Variants in WDFY3 observed in about 807,000 individuals in gnomAD.
WDFY3 encodes WD repeat and FYVE domain containing 3.
Under a neutral mutation model 409.6 loss-of-function variants are expected in WDFY3, and 66 were observed. The observed-to-expected ratio is 0.16, with a 90% confidence interval of 0.13 to 0.20. The LOEUF (loss-of-function observed/expected upper bound fraction) is 0.20, where lower values mean the gene tolerates loss of function less well. Among genes scored for constraint, WDFY3 ranks in the 10% least tolerant of loss-of-function variants. The probability of loss-of-function intolerance (pLI) is 1.00; values close to 1 mark genes in which losing one functional copy is unlikely to be tolerated. For missense variants in WDFY3, 3,031 were observed against 4,298.1 expected (o/e 0.71, Z 8.24); for synonymous variants, 1,521 against 1,537.1 (o/e 0.99, Z 0.25).
chr4:84,782,946 A>G lies in WDFY3; in HGVS notation c.4174+17T>C, dbSNP rs745535101. ...GCAAATAAAGAAGTTTGAAACAACA[A>G]AGATAAGTCCACTCACCCAAGTATC... On this transcript the variant is annotated intron_variant, in intron 25 of 67. Coordinates refer to ENST00000295888, the MANE Select transcript of WDFY3 (RefSeq NM_014991.6). 29 of 1,606,204 alleles carry G rather than the reference A, an allele frequency of 1.8e-5. No homozygotes were observed. The highest frequency in any genetic ancestry group is 2.5e-5 in the Non-Finnish European group (29 of 1,177,548).
At chr4:84,816,265 T>G (rs1412158788) in intron 13 of WDFY3, among the ~76,000 whole-genome samples, 1 of 152,132 alleles carries the variant, frequency 6.6e-6, no homozygotes, top group African/African-American at 2.4e-5. Context: ...AAGAGCAGGT[T>G]TTTAGTCACA....
intron 25 of WDFY3, among the ~76,000 whole-genome samples, chr4:84,782,100 C>T (rs185800555): frequency 2.6e-5 from 4 of 152,200 alleles, no homozygotes; most frequent in East Asian, 3.9e-4. Context: ...ACAAAAATAA[C>T]GTTTTAAGCA....
intron 1 of WDFY3, among the ~76,000 whole-genome samples, chr4:84,934,281 A>G (rs1274030042): frequency 6.6e-6 from 1 of 152,136 alleles, no homozygotes; most frequent in Non-Finnish European, 1.5e-5. Flanking sequence ...AATGACACTG[A>G]GCACCTTTTA....
intron 4 of WDFY3, among the ~76,000 whole-genome samples, chr4:84,859,050 C>A (rs943231541): frequency 6.6e-6 from 1 of 150,950 alleles, no homozygotes; most frequent in South Asian, 2.1e-4. Context: ...ACAGACAGGG[C>A]AAGGCAGAGA....
chr4:84,895,645 A>G (rs1342174561), intron 3 of WDFY3, among the ~76,000 whole-genome samples: 1 of 152,224 alleles, frequency 6.6e-6, no homozygotes, highest in East Asian at 1.9e-4. Context: ...ATATATGTAG[A>G]GAAAATATTT....
intron 57 of WDFY3, 70 bp from the exon 58 acceptor site, chr4:84,696,252 G>T: frequency 6.9e-7 from 1 of 1,441,046 alleles, no homozygotes; most frequent in South Asian, 1.2e-5. Flanking sequence ...GAAAAACCTT[G>T]GTAAGTGGTT....
At chr4:84,752,477 A>C (rs914395539) in intron 35 of WDFY3, among the ~76,000 whole-genome samples, 5 of 151,774 alleles carry the variant, frequency 3.3e-5, no homozygotes, top group Admixed American at 2.6e-4. Flanking sequence ...CAGTGAGCCG[A>C]GATCGTGCCA....
chr4:84,901,033 T>C (rs1372424585), intron 2 of WDFY3, among the ~76,000 whole-genome samples: 2 of 152,200 alleles, frequency 1.3e-5, no homozygotes, highest in Non-Finnish European at 2.9e-5. Context: ...GCTTCCAAGA[T>C]GATGCCTTGT....
Position 84,896,084 on chromosome 4 carries a change from C to G in WDFY3, c.-32+827G>C, listed in dbSNP as rs557715568. The stretch of plus-strand genomic sequence containing the variant: ...CATCCTGGCCAACATGGTGAAACCC[C>G]GTCTCTACTAAAAATACAAAAATTA... On this transcript the variant is annotated intron_variant, in intron 3 of 67. Coordinates refer to ENST00000295888, the MANE Select transcript of WDFY3 (RefSeq NM_014991.6). 1.6e-4 allele frequency among the ~76,000 whole-genome samples: 25 copies of G among 151,770 alleles called. 1 individual carries two copies. The South Asian group carries it at 3.1e-3, about 19-fold the overall frequency.
intron 5 of WDFY3, among the ~76,000 whole-genome samples, chr4:84,849,485 A>G (rs1021418304): frequency 2.6e-5 from 4 of 151,528 alleles, no homozygotes; most frequent in South Asian, 2.1e-4. Flanking sequence ...GATTAAAATA[A>G]GAGTATACAC....
In WDFY3 at chr4:84,688,071, C is replaced by A; in HGVS notation, c.9543+15G>T. 1 of 1,608,392 alleles carries A rather than the reference C, an allele frequency of 6.2e-7. No homozygotes were observed. Among genetic ancestry groups the A allele is most frequent in the Non-Finnish European group, 8.5e-7 (1 of 1,176,990 alleles). On this transcript the variant is annotated intron_variant, in intron 62 of 67. Transcript: ENST00000295888. ...ACTTGTTTACCTAAACATAAGTGGG[C>A]AATTTACTACTTACTGTTAATTCAT...
intron 1 of WDFY3, among the ~76,000 whole-genome samples, chr4:84,951,603 T>C (rs1287476705): frequency 6.6e-6 from 1 of 152,166 alleles, no homozygotes; most frequent in Non-Finnish European, 1.5e-5. Flanking sequence ...TATAGTAAAA[T>C]CACTTCTAAA....
intron 1 of WDFY3, among the ~76,000 whole-genome samples, chr4:84,933,274 A>T (rs1770996877): frequency 6.6e-6 from 1 of 152,154 alleles, no homozygotes; most frequent in South Asian, 2.1e-4. Context: ...TTCAATAGAC[A>T]GGTAATTATT....
chr4:84,829,319 T>A, intron 8 of WDFY3, 129 bp from the exon 9 acceptor site: 2 of 747,530 alleles, frequency 2.7e-6, no homozygotes, highest in Non-Finnish European at 4.1e-6. Flanking sequence ...GAGATAAATG[T>A]AACACATTCT....
At chr4:84,833,206 C>T (rs922018262) in intron 7 of WDFY3, among the ~76,000 whole-genome samples, 3 of 152,108 alleles carry the variant, frequency 2.0e-5, no homozygotes, top group Admixed American at 1.3e-4. Context: ...CCTCAATGGG[C>T]TCTTTCTTCT....
chr4:84,807,244 T>C (rs1230535173), intron 15 of WDFY3, among the ~76,000 whole-genome samples: 2 of 152,144 alleles, frequency 1.3e-5, no homozygotes, highest in Admixed American at 6.6e-5. Context: ...AACAGCTTTT[T>C]TAAAAAAAGA....
chr4:84,693,772 G>A (rs907796958), intron 58 of WDFY3, among the ~76,000 whole-genome samples: 3 of 151,992 alleles, frequency 2.0e-5, no homozygotes, highest in South Asian at 2.1e-4. Context: ...GTACACGCCT[G>A]TAGTTCCAGC....
At chr4:84,937,035 T>C in intron 1 of WDFY3, among the ~76,000 whole-genome samples, 1 of 152,156 alleles carries the variant, frequency 6.6e-6, no homozygotes, top group Non-Finnish European at 1.5e-5. Context: ...CTCGACTCCT[T>C]ATATGCCTCT....
Position 84,810,100 on chromosome 4 carries a change from T to C in WDFY3, c.2132A>G (p.Gln711Arg). The C allele has an allele frequency of 6.2e-7, 1 of 1,614,200 alleles. No homozygotes were observed. Among genetic ancestry groups the C allele is most frequent in the Non-Finnish European group, 8.5e-7 (1 of 1,180,016 alleles). ...AACAGCATCTGCCAACTTCTCATAC[T>C]GAATCTCTGTTTTGAAGAAATGAGA... Reference protein sequence around the residue: ...ANSHFFKTEIQYEKLADAVRF... With the variant: ...ANSHFFKTEIRYEKLADAVRF... Residue 711 changes from glutamine to arginine, a missense_variant, in exon 14 of 68, where the codon CAG becomes CGG. Gln to Arg is a conservative substitution (Grantham distance 43). This residue lies in a region of WDFY3 where 1,322 missense variants were observed against 1,697.9 expected (regional missense o/e 0.78). Transcript: ENST00000295888.
Sources: allele counts gnomAD v4.1 joint callset (sites outside exome capture counted in the v4.1 genomes callset), GRCh38; gene constraint gnomAD v4.1.1; regional missense constraint gnomAD v4.1.1; transcripts MANE v1.5; gene names NCBI Gene and HGNC (gene_info 2026-07-23, HGNC 2026-07-21).